MIER1: variants seen among roughly 807,000 people sequenced by gnomAD.
The protein encoded by MIER1 is MIER1 transcriptional regulator, also known as mesoderm induction early response protein 1.
MIER1 carries 40 observed loss-of-function variants against 75.7 expected under a neutral mutation model. That is an observed-to-expected ratio of 0.53 (90% CI 0.41 to 0.69). The LOEUF (loss-of-function observed/expected upper bound fraction) is 0.69, where lower values mean the gene tolerates loss of function less well. MIER1 is among the 30% of genes least tolerant of loss of function. The probability of loss-of-function intolerance (pLI) is 0.00; values close to 1 mark genes in which losing one functional copy is unlikely to be tolerated. For synonymous variants in MIER1, 213 were observed against 223.4 expected (o/e 0.95, Z 0.42); for missense variants, 574 against 680.2 (o/e 0.84, Z 1.74).
rs1651145073 is a variant in MIER1, at chr1:66,925,071, G to GGCGGCGGCA, written c.46_54dup (p.Gly16_Ser18dup). The GGCGGCGGCA allele has an allele frequency of 1.3e-6, 2 of 1,547,918 alleles. No individual in the cohort carries two copies. Among genetic ancestry groups the GGCGGCGGCA allele is most frequent in the Non-Finnish European group, 8.7e-7 (1 of 1,145,912 alleles). On this transcript the variant is annotated inframe_insertion, in exon 1 of 14. Transcript: ENST00000401041. ...AGGCGGTGGCGGCAGCAGCGAAGGT[G>GGCGGCGGCA]GCGGCGGCAGCAGCGGCAGCGGCTG... is the stretch of plus-strand genomic sequence containing the variant.
intron 2 of MIER1, chr1:66,932,710 A>T (rs1365751833): frequency 6.6e-6 from 1 of 152,120 alleles, no homozygotes; most frequent in East Asian, 1.9e-4. Context: ...AAATCTGAGG[A>T]TTTAAGGATA....
chr1:66,926,071 C>A, intron 1 of MIER1, 71 bp from the exon 2 acceptor site: 1 of 1,204,926 alleles, frequency 8.3e-7, no homozygotes, highest in Non-Finnish European at 1.2e-6. Context: ...AAATGCGAAA[C>A]AGGGTGGATG....
chr1:66,959,022 T>A (rs1317283781), intron 6 of MIER1, 39 bp downstream of exon 6: 3 of 1,571,048 alleles, frequency 1.9e-6, no homozygotes, highest in Non-Finnish European at 2.6e-6. Context: ...ATATAATTTT[T>A]ACTATTTTAG....
intron 4 of MIER1, chr1:66,947,143 C>A: frequency 4.1e-6 from 1 of 245,980 alleles, no homozygotes; most frequent in Non-Finnish European, 6.5e-6. Context: ...AGGTGGTGTT[C>A]AGATCCACAT....
At chr1:66,947,913 C>CCGG (rs1308351952) in intron 4 of MIER1, 2 of 985,242 alleles carry the variant, frequency 2.0e-6, no homozygotes, top group African/African-American at 1.7e-5. Context: ...CATCCCAAGG[C>CCGG]CGGCTCCTTA....
chr1:66,978,212 A>AG (rs1363945352), intron 12 of MIER1, among the ~76,000 whole-genome samples: 1 of 151,750 alleles, frequency 6.6e-6, no homozygotes, highest in East Asian at 1.9e-4. Context: ...AAAAAAAAAA[A>AG]GATGTGCTTG....
rs1371396139 is a variant in MIER1, at chr1:66,984,986, T to A, written c.*86T>A. The A allele has an allele frequency of 1.1e-5, 16 of 1,460,738 alleles. No individual in the cohort carries two copies. Among genetic ancestry groups the A allele is most frequent in the Non-Finnish European group, 1.4e-5 (16 of 1,107,510 alleles). The allele number at this position is 1,460,738 out of a possible 1,614,324, so 90.5% of individuals were successfully genotyped here. A position where few individuals can be genotyped will look rare whatever the true frequency, so the allele number is the denominator to read the frequency against. ...TGATGGGTTACCTTAAAAAGTTGAT[T>A]TCCTTGAAGCAGTTTGAAAATTTGA... On this transcript the variant is annotated 3_prime_UTR_variant, in exon 14 of 14. Coordinates refer to ENST00000401041, the MANE Select transcript of MIER1 (RefSeq NM_001077700.3).
chr1:66,952,877 T>C (rs1444571226), intron 4 of MIER1, among the ~76,000 whole-genome samples: 1 of 152,162 alleles, frequency 6.6e-6, no homozygotes, highest in Non-Finnish European at 1.5e-5. Flanking sequence ...ACTCCTGAGC[T>C]CAAGTGATCT....
intron 3 of MIER1, 174 bp downstream of exon 3, chr1:66,940,226 A>T (rs2101262517): frequency 3.5e-5 from 12 of 346,954 alleles, no homozygotes; most frequent in East Asian, 5.1e-5. Flanking sequence ...AGTACAGGTG[A>T]GGCTACTGTG....
intron 2 of MIER1, among the ~76,000 whole-genome samples, chr1:66,930,041 A>G (rs1056494904): frequency 3.3e-5 from 5 of 152,150 alleles, no homozygotes; most frequent in Non-Finnish European, 7.4e-5. Context: ...GATCAGCTGG[A>G]GCCAGCGAAG....
At chr1:66,961,038 C>G (rs550409975) in intron 7 of MIER1, among the ~76,000 whole-genome samples, 34 of 152,062 alleles carry the variant, frequency 2.2e-4, no homozygotes, top group Admixed American at 5.9e-4. Flanking sequence ...AGAGGTAGAA[C>G]ACCTCTCATT....
Position 66,986,490 on chromosome 1 carries a change from T to G in MIER1, c.*1590T>G. ...TTAAAATAAAGCTTCTGTGGTCTTG[T>G]TTTTAATGGCTCAACTGTCTGATGT... is the stretch of plus-strand genomic sequence containing the variant. On this transcript the variant is annotated 3_prime_UTR_variant, in exon 14 of 14. Coordinates refer to ENST00000401041, the MANE Select transcript of MIER1 (RefSeq NM_001077700.3). 6.4e-7 allele frequency: 1 copy of G among 1,556,108 alleles called. No individual in the cohort carries two copies.
intron 2 of MIER1, among the ~76,000 whole-genome samples, chr1:66,937,825 A>G (rs1655274766): frequency 6.6e-6 from 1 of 152,234 alleles, no homozygotes; most frequent in Non-Finnish European, 1.5e-5. Context: ...CTTTGATTTA[A>G]TGGGATGTAT....
intron 12 of MIER1, among the ~76,000 whole-genome samples, chr1:66,979,997 C>T (rs1444092366): frequency 6.6e-6 from 1 of 152,074 alleles, no homozygotes; most frequent in Non-Finnish European, 1.5e-5. Context: ...CTCCCAACCT[C>T]AGGTGATCCA....
Position 66,984,717 on chromosome 1 carries a change from C to T in MIER1, c.1515C>T (p.Thr505=). The change falls in exon 14 of 14, where the codon ACC becomes ACT. Residue 505 remains threonine, a synonymous_variant. Coordinates refer to ENST00000401041, the MANE Select transcript of MIER1 (RefSeq NM_001077700.3). The stretch of plus-strand genomic sequence containing the variant: ...ATGGTTATGAAACAGATAACCTTAC[C>T]ACTGACCCAAAACTTGCCCATATGA... ...DTNGYETDNL[T]TDPKLAHMTA... The T allele has an allele frequency of 1.2e-6, 2 of 1,613,952 alleles. No homozygotes were observed. The highest frequency in any genetic ancestry group is 1.7e-6 in the Non-Finnish European group (2 of 1,179,952).
chr1:66,979,332 T>C (rs1665432999), intron 12 of MIER1, among the ~76,000 whole-genome samples: 1 of 152,206 alleles, frequency 6.6e-6, no homozygotes, highest in Non-Finnish European at 1.5e-5. Context: ...TTGAGTGAAT[T>C]TTCTCATCCT....
Position 66,970,808 on chromosome 1 carries a change from T to C in MIER1, c.773T>C (p.Val258Ala). The change falls in exon 9 of 14, where the codon GTA (valine) becomes GCA (alanine). Residue 258 changes from valine (V) to alanine (A), a missense_variant and splice_region_variant. By Grantham distance (64) the Val-to-Ala change is moderately conservative. This residue lies in a region of MIER1 where 309 missense variants were observed against 352.8 expected (regional missense o/e 0.88). Transcript: ENST00000401041. Reference protein sequence around the residue: ...GICRYKENEKVYENDDQLLWD... With the variant: ...GICRYKENEKAYENDDQLLWD... ...TTAACATTGTCTTTTACTAATTTAG[T>C]ATATGAAAATGATGATCAGCTCCTG... 6.5e-7 allele frequency: 1 copy of C among 1,545,076 alleles called. No homozygotes were observed. The highest frequency in any genetic ancestry group is 2.3e-5 in the East Asian group (1 of 42,784).
chr1:66,968,472 T>TA (rs1437017173), intron 8 of MIER1, among the ~76,000 whole-genome samples: 1 of 152,172 alleles, frequency 6.6e-6, no homozygotes, highest in Non-Finnish European at 1.5e-5. Context: ...GATATCCTGA[T>TA]ATCTTTATTG....
Position 66,984,958 on chromosome 1 carries a change from G to T in MIER1, c.*58G>T. ...ATTCTGGTGTGACTAAAATTTTCAGGGTTGATGGGTTACCTTAAAAAGTTG... is the reference window on the plus strand; with the variant it reads ...ATTCTGGTGTGACTAAAATTTTCAGTGTTGATGGGTTACCTTAAAAAGTTG... On this transcript the variant is annotated 3_prime_UTR_variant, in exon 14 of 14. Transcript: ENST00000401041. The T allele has an allele frequency of 2.7e-6, 4 of 1,498,150 alleles. No individual in the cohort carries two copies. Among genetic ancestry groups the T allele is most frequent in the Non-Finnish European group, 3.5e-6 (4 of 1,127,488 alleles). 92.8% of individuals were successfully genotyped at this position (1,498,150 alleles called of 1,614,324 possible). A position where few individuals can be genotyped will look rare whatever the true frequency, so the allele number is the denominator to read the frequency against.
Sources: allele counts gnomAD v4.1 joint callset (sites outside exome capture counted in the v4.1 genomes callset), GRCh38; gene constraint gnomAD v4.1.1; regional missense constraint gnomAD v4.1.1; transcripts MANE v1.5; gene names NCBI Gene and HGNC (gene_info 2026-07-23, HGNC 2026-07-21).